Variants in PRKG1 observed in about 807,000 individuals in gnomAD.
The protein encoded by PRKG1 is cGMP-dependent protein kinase 1.
In PRKG1, 35 loss-of-function variants were observed where a neutral mutation model predicts 88.1. The ratio of observed to expected loss-of-function variants is 0.40; its 90% CI spans 0.30 to 0.53. PRKG1 has a LOEUF of 0.53. Ranked by LOEUF, PRKG1 falls within the 20% of genes least tolerant of loss-of-function variation. PRKG1 has a pLI of 0.59. For synonymous variants in PRKG1, 303 were observed against 292.5 expected, an observed-to-expected ratio of 1.04 and a Z score of -0.37; for missense variants, 540 against 839.8, an observed-to-expected ratio of 0.64 and a Z score of 4.41.
chr10:51,017,881 C>T (rs1482010786), intron 1 of PRKG1, among the ~76,000 whole-genome samples: 1 of 151,946 alleles, frequency 6.6e-6, no homozygotes, highest in Non-Finnish European at 1.5e-5. Flanking sequence ...CTCACTGCAG[C>T]CTTGACCCCT....
At chr10:51,069,699 T>C (rs2132795487), upstream of PRKG1, among the ~76,000 whole-genome samples, 1 of 152,228 alleles carries the variant, frequency 6.6e-6, no homozygotes, top group South Asian at 2.1e-4. Context: ...ATTACAGATC[T>C]TCCTTGGTTT....
chr10:52,114,971 A>G (rs1847653323), intron 7 of PRKG1, among the ~76,000 whole-genome samples: 1 of 152,132 alleles, frequency 6.6e-6, no homozygotes, highest in Non-Finnish European at 1.5e-5. Context: ...AATGTCTCAT[A>G]TCTGTCCATT....
At chr10:52,193,987 A>G (rs1264421165) in intron 9 of PRKG1, among the ~76,000 whole-genome samples, 1 of 152,188 alleles carries the variant, frequency 6.6e-6, no homozygotes, top group Non-Finnish European at 1.5e-5. Flanking sequence ...TCTAAAAGGT[A>G]GCTATTTTGT....
At chr10:51,994,552 C>T (rs1360828174) in intron 5 of PRKG1, among the ~76,000 whole-genome samples, 1 of 152,176 alleles carries the variant, frequency 6.6e-6, no homozygotes, top group Non-Finnish European at 1.5e-5. Flanking sequence ...AATTCCCAAT[C>T]TCTGCTGGTA....
chr10:51,950,104 C>G (rs758812001), intron 5 of PRKG1, among the ~76,000 whole-genome samples: 4 of 152,178 alleles, frequency 2.6e-5, no homozygotes, highest in Non-Finnish European at 4.4e-5. Context: ...CTACATAACT[C>G]CTACATCCTT....
At chr10:51,053,776 T>G (rs2132772402) in intron 1 of PRKG1, among the ~76,000 whole-genome samples, 1 of 63,898 alleles carries the variant, frequency 1.6e-5, no homozygotes, top group East Asian at 3.7e-4. Flanking sequence ...TGGGTTTTTT[T>G]TGTTTTTTTT....
At chr10:52,212,379 A>G (rs1840001439) in intron 9 of PRKG1, among the ~76,000 whole-genome samples, 1 of 152,130 alleles carries the variant, frequency 6.6e-6, no homozygotes, top group South Asian at 2.1e-4. Context: ...TAAAATAGGA[A>G]AGGAGGCAGC....
chr10:51,698,025 G>C, intron 3 of PRKG1: 3 of 1,613,856 alleles, frequency 1.9e-6, no homozygotes, highest in Non-Finnish European at 2.5e-6. Flanking sequence ...CCTGTACCCT[G>C]CATACCAGCT....
intron 2 of PRKG1, among the ~76,000 whole-genome samples, chr10:51,236,967 G>A (rs1242587619): frequency 1.3e-5 from 2 of 152,198 alleles, no homozygotes; most frequent in African/African-American, 4.8e-5. Flanking sequence ...GACAGATGTG[G>A]AAGGTTTTGG....
intron 5 of PRKG1, among the ~76,000 whole-genome samples, chr10:51,993,513 C>T (rs751288066): frequency 1.1e-4 from 16 of 152,106 alleles, no homozygotes; most frequent in Non-Finnish European, 1.8e-4. Flanking sequence ...GTGTGTTATA[C>T]ATTATGAGAT....
intron 2 of PRKG1, among the ~76,000 whole-genome samples, chr10:51,341,436 C>A (rs1317239659): frequency 6.6e-6 from 1 of 152,100 alleles, no homozygotes. Context: ...GTTTAAATAT[C>A]CTTTTCTTCT....
intron 3 of PRKG1, among the ~76,000 whole-genome samples, chr10:51,650,162 G>A (rs1278668336): frequency 6.6e-6 from 1 of 152,118 alleles, no homozygotes; most frequent in Non-Finnish European, 1.5e-5. Context: ...TGGTATTCAC[G>A]AGGTGCTCAG....
intron 9 of PRKG1, among the ~76,000 whole-genome samples, chr10:52,168,108 C>A (rs1838541057): frequency 6.6e-6 from 1 of 152,168 alleles, no homozygotes; most frequent in Non-Finnish European, 1.5e-5. Context: ...TATGTGCCTA[C>A]AAAATGCTGC....
intron 8 of PRKG1, among the ~76,000 whole-genome samples, chr10:52,137,712 G>GA (rs1283546192): frequency 2.0e-5 from 3 of 152,016 alleles, no homozygotes; most frequent in Non-Finnish European, 2.9e-5. Flanking sequence ...GAAATTACGA[G>GA]AAAAAAATTC....
chr10:52,132,080 T>G (rs1004043986), intron 7 of PRKG1, among the ~76,000 whole-genome samples: 1 of 152,010 alleles, frequency 6.6e-6, no homozygotes, highest in African/African-American at 2.4e-5. Flanking sequence ...TAGGAATACA[T>G]TTTTTAAATA....
At chr10:51,560,648 G>T (rs1837434576) in intron 3 of PRKG1, among the ~76,000 whole-genome samples, 1 of 151,902 alleles carries the variant, frequency 6.6e-6, no homozygotes, top group Non-Finnish European at 1.5e-5. Context: ...ATTAACTGAA[G>T]TTCAGTCCTA....
chr10:51,823,111 C>T (rs562410663), intron 4 of PRKG1, among the ~76,000 whole-genome samples: 2 of 152,132 alleles, frequency 1.3e-5, no homozygotes, highest in Admixed American at 1.3e-4. Context: ...TAAAACTTTC[C>T]AGTCACTATT....
At chr10:51,516,589 C>A (rs536273415) in intron 3 of PRKG1, among the ~76,000 whole-genome samples, 1 of 152,224 alleles carries the variant, frequency 6.6e-6, no homozygotes, top group African/African-American at 2.4e-5. Flanking sequence ...CTGTCGCTAT[C>A]ACAGTGACAC....
intron 2 of PRKG1, among the ~76,000 whole-genome samples, chr10:51,389,669 T>A (rs1837348803): frequency 6.6e-6 from 1 of 152,146 alleles, no homozygotes; most frequent in Non-Finnish European, 1.5e-5. Context: ...ATAATAATAC[T>A]AGATTAGCTT....
Sources: allele counts gnomAD v4.1 joint callset (sites outside exome capture counted in the v4.1 genomes callset), GRCh38; gene constraint gnomAD v4.1.1; transcripts MANE v1.5; gene names NCBI Gene and HGNC (gene_info 2026-07-23, HGNC 2026-07-21).